The following PSG11 variants were observed in gnomAD, a reference collection of about 807,000 sequenced individuals.
The protein encoded by PSG11 is pregnancy specific beta-1-glycoprotein 11.
In PSG11, 42 loss-of-function variants were observed where a neutral mutation model predicts 36.0. The ratio of observed to expected loss-of-function variants is 1.17; its 90% confidence interval spans 0.91 to 1.51. The LOEUF is 1.51. Ranked by LOEUF, PSG11 falls within the 40% of genes most tolerant of loss-of-function variation. The pLI, the probability that PSG11 is intolerant of heterozygous loss-of-function variation, is 0.00. For missense variants in PSG11, 558 were observed against 403.5 expected (o/e 1.38, Z -3.28); for synonymous variants, 206 against 153.5 (o/e 1.34, Z -2.53).
intron 4 of PSG11, chr19:43,014,836 T>G (rs1267129085): frequency 7.6e-7 from 1 of 1,316,372 alleles, no homozygotes; most frequent in Non-Finnish European, 1.0e-6. Context: ...CTCTCCTTCT[T>G]GTCCCTCTGT....
Position 43,026,414 on chromosome 19 carries a change from T to G in PSG11, c.-42A>C, listed in dbSNP as rs763473379. The G allele has an allele frequency of 1.6e-5, 25 of 1,602,922 alleles. No homozygotes were observed. The highest frequency in any genetic ancestry group is 4.5e-5 in the East Asian group (2 of 44,312). ...ATGTTCTCCTCTGTGGAGATGAGCC[T>G]AGGATCCAGAAGCTTCCAGAGCACG... On this transcript the variant is annotated 5_prime_UTR_variant, in exon 1 of 6. Transcript: ENST00000320078.
chr19:43,010,164 T>C, intron 4 of PSG11, 123 bp from the exon 5 acceptor site: 12 of 1,467,652 alleles, frequency 8.2e-6, no homozygotes, highest in Non-Finnish European at 1.1e-5. Flanking sequence ...ACATTATTTC[T>C]GTTGGAAAAT....
At chr19:43,008,499 A>G (rs1973987980) in intron 5 of PSG11, among the ~76,000 whole-genome samples, 1 of 151,032 alleles carries the variant, frequency 6.6e-6, no homozygotes, top group South Asian at 2.1e-4. Context: ...GAAGGTCTGG[A>G]TCTCCTGACC....
chr19:43,023,856 A>G (rs1030503106), intron 2 of PSG11, among the ~76,000 whole-genome samples: 13 of 151,548 alleles, frequency 8.6e-5, no homozygotes, highest in South Asian at 4.2e-4. Context: ...TAAATTATTC[A>G]CAGTCACCTG....
Position 43,018,756 on chromosome 19 carries a change from C to T in PSG11, c.709+14G>A, listed in dbSNP as rs777732940. ...GATGGCAGCCTGGCTCACAGAGGAA[C>T]AGAAGATACTCACGGAGGAGATTCA... On this transcript the variant is annotated intron_variant, in intron 3 of 5. Transcript: ENST00000320078. 4 of 1,612,104 alleles carry T rather than the reference C, an allele frequency of 2.5e-6. No individual in the cohort carries two copies. Among genetic ancestry groups the T allele is most frequent in the Admixed American group, 3.3e-5 (2 of 59,874 alleles).
At chr19:43,015,088 A>G (rs1038322673) in intron 4 of PSG11, 28 bp downstream of exon 4, 12 of 1,611,270 alleles carry the variant, frequency 7.4e-6, no homozygotes, top group African/African-American at 1.3e-5. Context: ...CTAAAACCCT[A>G]TTGCCAAGGA....
Position 43,007,995 on chromosome 19 carries a change from A to T in PSG11, c.*88T>A. 2.5e-6 allele frequency: 1 copy of T among 403,486 alleles called. No homozygotes were observed. 25.0% of individuals were successfully genotyped at this position (403,486 alleles called of 1,614,324 possible). On this transcript the variant is annotated 3_prime_UTR_variant, in exon 6 of 6. Transcript: ENST00000320078. Reference sequence around the variant, plus strand: ...CCAGTGGTATGATCTTGAAGTTATCAGGAACTTGTATTCAAGAGTCCTTTT... The same window carrying T: ...CCAGTGGTATGATCTTGAAGTTATCTGGAACTTGTATTCAAGAGTCCTTTT...
intron 2 of PSG11, among the ~76,000 whole-genome samples, chr19:43,024,309 G>T (rs558988152): frequency 2.6e-5 from 4 of 151,388 alleles, no homozygotes; most frequent in African/African-American, 9.7e-5. Context: ...TGGGTTTGAG[G>T]CTTCTAGGGC....
chr19:43,010,441 G>C (rs1400554482), intron 4 of PSG11: 1 of 1,435,974 alleles, frequency 7.0e-7, no homozygotes, highest in Non-Finnish European at 9.6e-7. Context: ...ATTGACAGAA[G>C]GCCCAGGTCA....
chr19:43,022,607 T>TG (rs1967128618), intron 2 of PSG11, among the ~76,000 whole-genome samples: 3 of 151,416 alleles, frequency 2.0e-5, no homozygotes, highest in South Asian at 2.1e-4. Flanking sequence ...AATTTGTGTG[T>TG]TTGTGTGTGT....
chr19:43,011,717 C>T lies in PSG11; in HGVS notation c.965-1676G>A, dbSNP rs1457926946. Among the ~76,000 whole-genome samples, 2 of 150,880 alleles carry T rather than the reference C, an allele frequency of 1.3e-5. 1 individual carries two copies. Among genetic ancestry groups the T allele is most frequent in the East Asian group, 3.9e-4 (2 of 5,114 alleles). ...CATAGGTAACCTGGGGAGATACTGT[C>T]TCTACAAAAAAATTAAAAAGCCAAC... On this transcript the variant is annotated intron_variant, in intron 4 of 5. Transcript: ENST00000320078.
Position 43,026,177 on chromosome 19 carries a change from G to A in PSG11, c.64+132C>T, listed in dbSNP as rs376983478. 659 of 1,388,088 alleles carry A rather than the reference G, an allele frequency of 4.7e-4. 20 individuals carry two copies. The highest frequency in any genetic ancestry group is 4.3e-3 in the East Asian group (172 of 39,772). The allele number at this position is 1,388,088 out of a possible 1,614,324, so 86.0% of individuals were successfully genotyped here. ...GGACTGATCTTGAACTCCTGATCTC[G>A]TGATCCACCCACCTCAGCCTCCCTA... On this transcript the variant is annotated intron_variant, in intron 1 of 5. Transcript: ENST00000320078.
rs187707596 is a variant in PSG11 at position 43,007,763 on chromosome 19, A to T, written c.*320T>A. On this transcript the variant is annotated 3_prime_UTR_variant, in exon 6 of 6. Coordinates refer to ENST00000320078, the MANE Select transcript of PSG11 (RefSeq NM_002785.3). ...AAAGCAAATGTTTCAATTTTTGTTT[A>T]CAAAAGTATACTTTACCAATTGCTG... 8.2e-6 allele frequency: 2 copies of T among 245,220 alleles called. No individual in the cohort carries two copies. Among genetic ancestry groups the T allele is most frequent in the South Asian group, 1.8e-4 (1 of 5,562 alleles). The allele number at this position is 245,220 out of a possible 1,614,324, so 15.2% of individuals were successfully genotyped here.
intron 4 of PSG11, among the ~76,000 whole-genome samples, chr19:43,011,904 A>AC (rs139741381): frequency 1.2e-5 from 1 of 83,264 alleles, no homozygotes; most frequent in Non-Finnish European, 2.6e-5. Context: ...TCTCTCTCTT[A>AC]AAAAAAAAAA....
In PSG11 at chr19:43,011,763, C is replaced by T. The variant is rs1359027778; in HGVS notation, c.965-1722G>A. ...CCAACTAGCTGCGCATGGTGACATG[C>T]ACCTGTAGTCCTAGCATCTTGGGAG... On this transcript the variant is annotated intron_variant, in intron 4 of 5. Transcript: ENST00000320078. 2.0e-5 allele frequency among the ~76,000 whole-genome samples: 3 copies of T among 150,724 alleles called. 1 individual carries two copies. Among genetic ancestry groups the T allele is most frequent in the Non-Finnish European group, 4.4e-5 (3 of 67,768 alleles).
rs562343220 is a variant in PSG11 at position 43,013,690 on chromosome 19, C to T, written c.964+1426G>A. ...TTGCTGATGGGAATGGGAAATGTTACAGCCACTGTAAAAATTGGTGTGCTG... is the reference window on the plus strand; with the variant it reads ...TTGCTGATGGGAATGGGAAATGTTATAGCCACTGTAAAAATTGGTGTGCTG... On this transcript the variant is annotated intron_variant, in intron 4 of 5. Coordinates refer to ENST00000320078, the MANE Select transcript of PSG11 (RefSeq NM_002785.3). Among the ~76,000 whole-genome samples the T allele has an allele frequency of 3.9e-3, 598 of 151,552 alleles. 18 individuals carry two copies. Among genetic ancestry groups the T allele is most frequent in the Admixed American group, 9.6e-3 (146 of 15,180 alleles).
chr19:43,015,223 A>T lies in PSG11; in HGVS notation c.857T>A (p.Leu286His). The T allele has an allele frequency of 6.2e-7, 1 of 1,611,448 alleles. No individual in the cohort carries two copies. Among genetic ancestry groups the T allele is most frequent in the Non-Finnish European group, 8.5e-7 (1 of 1,178,492 alleles). Residue 286 changes from leucine (L) to histidine (H), a missense_variant, in exon 4 of 6, where the codon CTC becomes CAC. Physicochemically the swap from Leu to His is moderately conservative, Grantham distance 99. Coordinates refer to ENST00000320078, the MANE Select transcript of PSG11 (RefSeq NM_002785.3). ...CTTTGGAGTAATCTGAGGGATAAAG[A>T]GCTTTTGTCCTGATAGCTGAAACTT... ...NGKFQLSGQK[L>H]FIPQITPKHN...
chr19:43,010,278 G>A, intron 4 of PSG11: 1 of 1,465,342 alleles, frequency 6.8e-7, no homozygotes, highest in Non-Finnish European at 9.0e-7. Flanking sequence ...AGGTATTTTG[G>A]AAGGCTTTCA....
intron 4 of PSG11, chr19:43,014,668 C>G (rs1966912710): frequency 8.7e-7 from 1 of 1,150,478 alleles, no homozygotes; most frequent in African/African-American, 1.6e-5. Context: ...CTGCTCCTCC[C>G]TCACCCAAGG....
Sources: allele counts gnomAD v4.1 joint callset (sites outside exome capture counted in the v4.1 genomes callset), GRCh38; gene constraint gnomAD v4.1.1; transcripts MANE v1.5; gene names NCBI Gene and HGNC (gene_info 2026-07-23, HGNC 2026-07-21).